The following AUTS2 variants were observed in gnomAD, a reference collection of about 807,000 sequenced individuals.
AUTS2 encodes activator of transcription and developmental regulator AUTS2.
AUTS2 carries 17 observed loss-of-function variants against 112.4 expected under a neutral mutation model. The ratio of observed to expected loss-of-function variants is 0.15; its 90% CI spans 0.10 to 0.23. The LOEUF (loss-of-function observed/expected upper bound fraction) is 0.23, where lower values mean the gene tolerates loss of function less well. AUTS2 is among the 10% of genes least tolerant of loss of function. AUTS2 has a pLI of 1.00. For synonymous variants in AUTS2, 751 were observed against 702.7 expected (o/e 1.07, Z -1.09); for missense variants, 1,510 against 1,701.6 (o/e 0.89, Z 1.98).
chr7:70,696,412 T>G (rs142209640), intron 5 of AUTS2, among the ~76,000 whole-genome samples: 7 of 152,324 alleles, frequency 4.6e-5, no homozygotes, highest in Non-Finnish European at 1.0e-4. Context: ...GCAAGAGGCA[T>G]GGTGTCCAGC....
At chr7:70,224,402 T>TACA (rs1811657872) in intron 4 of AUTS2, among the ~76,000 whole-genome samples, 4 of 148,084 alleles carry the variant, frequency 2.7e-5, no homozygotes, top group African/African-American at 4.9e-5. Context: ...TACAATACAA[T>TACA]ATAATACCAT....
chr7:69,999,043 A>G (rs954144239), intron 2 of AUTS2, among the ~76,000 whole-genome samples: 2 of 152,136 alleles, frequency 1.3e-5, no homozygotes, highest in African/African-American at 2.4e-5. Flanking sequence ...AGTTTTATGG[A>G]TTTGGAGAAG....
At chr7:70,709,758 T>C (rs2129549213) in intron 6 of AUTS2, among the ~76,000 whole-genome samples, 1 of 152,336 alleles carries the variant, frequency 6.6e-6, no homozygotes, top group South Asian at 2.1e-4. Flanking sequence ...AACCTGACGC[T>C]TCTGCTGAGG....
At chr7:69,825,408 G>A (rs1284498065) in intron 1 of AUTS2, among the ~76,000 whole-genome samples, 2 of 152,134 alleles carry the variant, frequency 1.3e-5, no homozygotes, top group Non-Finnish European at 2.9e-5. Flanking sequence ...GTATAACTGG[G>A]CTGAGAGGCT....
At chr7:69,998,750 T>C (rs1447093049) in intron 2 of AUTS2, among the ~76,000 whole-genome samples, 1 of 152,210 alleles carries the variant, frequency 6.6e-6, no homozygotes, top group African/African-American at 2.4e-5. Flanking sequence ...AAAAGTATTT[T>C]GGAAGGTGAG....
At chr7:70,010,819 G>T (rs1220485118) in intron 2 of AUTS2, among the ~76,000 whole-genome samples, 3 of 152,162 alleles carry the variant, frequency 2.0e-5, no homozygotes, top group Non-Finnish European at 4.4e-5. Context: ...CCATTCTACA[G>T]TGCTCACCAG....
Position 69,819,481 on chromosome 7 carries a change from G to A in AUTS2, c.310-79805G>A, listed in dbSNP as rs74634244. ...CAACCTCTATTGTCCTCCTGATGGT[G>A]TTGCTTAATTACTCTTGAAGGAAAC... On this transcript the variant is annotated intron_variant, in intron 1 of 18. Transcript: ENST00000342771. Among the ~76,000 whole-genome samples, 242 of 152,276 alleles carry A rather than the reference G, an allele frequency of 1.6e-3. 4 individuals carry two copies. The East Asian group carries it at 0.038, about 24-fold the overall frequency.
chr7:70,774,948 G>T (rs1487397893), intron 12 of AUTS2: 2 of 193,290 alleles, frequency 1.0e-5, no homozygotes, highest in African/African-American at 4.7e-5. Flanking sequence ...TCTCCTGGAT[G>T]GATGGAAAGG....
In AUTS2 at chr7:70,220,131, G is replaced by C. The variant is rs937698863; in HGVS notation, c.660+85560G>C. ...TCAGCTCTGATGTAGAGCAGCCGCA[G>C]TCATAGATAACGCAAAAATAAATGT... On this transcript the variant is annotated intron_variant, in intron 4 of 18. Transcript: ENST00000342771. Among the ~76,000 whole-genome samples, 3 of 152,146 alleles carry C rather than the reference G, an allele frequency of 2.0e-5. No homozygotes were observed. The East Asian group carries it at 5.8e-4, about 29-fold the overall frequency.
chr7:70,368,185 A>T (rs1792674086), intron 4 of AUTS2, among the ~76,000 whole-genome samples: 1 of 152,210 alleles, frequency 6.6e-6, no homozygotes, highest in Non-Finnish European at 1.5e-5. Context: ...ATAAAATGAG[A>T]TTAGTACTAC....
chr7:70,530,644 C>T (rs11763654), intron 5 of AUTS2, among the ~76,000 whole-genome samples: 36,582 of 152,012 alleles, frequency 0.24, 4,512 homozygotes, highest in Middle Eastern at 0.35. Context: ...CCAGCCTGAC[C>T]GTGGAAATTA....
rs113203254 is a variant in AUTS2 at position 70,548,235 on chromosome 7, A to G, written c.690+112454A>G. On this transcript the variant is annotated intron_variant, in intron 5 of 18. Transcript: ENST00000342771. ...CCATATTCTTGGATGAAATACTATT[A>G]AAATCTTCTTCCCACTTTTTAAGTG... is the stretch of plus-strand genomic sequence containing the variant. Among the ~76,000 whole-genome samples, 25 of 152,316 alleles carry G rather than the reference A, an allele frequency of 1.6e-4. 1 individual carries two copies. The highest frequency in any genetic ancestry group is 6.0e-4 in the African/African-American group (25 of 41,564).
intron 1 of AUTS2, among the ~76,000 whole-genome samples, chr7:69,894,278 T>TTTTTTC (rs1491190658): frequency 7.6e-5 from 9 of 118,246 alleles, no homozygotes; most frequent in South Asian, 2.8e-4. Context: ...TTTTTTTTTT[T>TTTTTTC]AACAGATTTC....
intron 2 of AUTS2, among the ~76,000 whole-genome samples, chr7:69,984,944 TA>T (rs1478745032): frequency 6.6e-6 from 1 of 152,176 alleles, no homozygotes; most frequent in African/African-American, 2.4e-5. Flanking sequence ...AATGGTTAGT[TA>T]GTGACATGAA....
chr7:70,146,994 C>A (rs1000270212), intron 4 of AUTS2, among the ~76,000 whole-genome samples: 3 of 152,098 alleles, frequency 2.0e-5, no homozygotes, highest in Non-Finnish European at 4.4e-5. Context: ...AAAGAGATGT[C>A]AAAACCATCT....
intron 1 of AUTS2, among the ~76,000 whole-genome samples, chr7:69,705,626 ATT>A (rs1798031572): frequency 6.6e-6 from 1 of 152,228 alleles, no homozygotes; most frequent in African/African-American, 2.4e-5. Flanking sequence ...AATCTGAAGA[ATT>A]TGGAATGGGC....
At chr7:70,031,460 A>T (rs561545795) in intron 2 of AUTS2, among the ~76,000 whole-genome samples, 1 of 152,194 alleles carries the variant, frequency 6.6e-6, no homozygotes, top group Non-Finnish European at 1.5e-5. Context: ...ATTTATCTAA[A>T]GATAGGCTGC....
intron 5 of AUTS2, among the ~76,000 whole-genome samples, chr7:70,495,854 AACAC>A (rs1238814600): frequency 4.2e-5 from 3 of 71,074 alleles, no homozygotes; most frequent in African/African-American, 1.3e-4. Flanking sequence ...CACGTACACA[AACAC>A]ACACACGCCC....
At chr7:69,802,809 C>T (rs1790142482) in intron 1 of AUTS2, among the ~76,000 whole-genome samples, 1 of 152,090 alleles carries the variant, frequency 6.6e-6, no homozygotes, top group Non-Finnish European at 1.5e-5. Context: ...GCTGGAGAGC[C>T]CAAGGGAACA....
Sources: gnomAD v4.1 joint callset for allele counts (sites outside exome capture counted in the v4.1 genomes callset) on GRCh38, gnomAD v4.1.1 for gene constraint, MANE v1.5 for transcripts, NCBI Gene and HGNC (gene_info 2026-07-23, HGNC 2026-07-21) for gene names.